The following GAB2 variants were observed in gnomAD, a reference collection of about 807,000 sequenced individuals.
GAB2 encodes GRB2 associated binding protein 2.
GAB2 carries 26 observed loss-of-function variants against 65.5 expected under a neutral mutation model. The ratio of observed to expected loss-of-function variants is 0.40; its 90% confidence interval spans 0.29 to 0.55. The LOEUF is 0.55. Among genes scored for constraint, GAB2 ranks in the 20% least tolerant of loss-of-function variants. GAB2 has a pLI of 0.53. For missense variants in GAB2, 884 were observed against 875.8 expected, an observed-to-expected ratio of 1.01 and a Z score of -0.12; for synonymous variants, 321 against 329.6, an observed-to-expected ratio of 0.97 and a Z score of 0.28.
chr11:78,242,000 C>T (rs1015453897), intron 3 of GAB2, among the ~76,000 whole-genome samples: 2 of 152,242 alleles, frequency 1.3e-5, no homozygotes, highest in African/African-American at 2.4e-5. Context: ...TATAATTCTT[C>T]TCATTAGCAC....
chr11:78,327,173 A>T (rs117293058), intron 1 of GAB2, among the ~76,000 whole-genome samples: 1 of 152,196 alleles, frequency 6.6e-6, no homozygotes, highest in Non-Finnish European at 1.5e-5. Flanking sequence ...TATCTGGGTC[A>T]ATTTTAATCC....
intron 2 of GAB2, among the ~76,000 whole-genome samples, chr11:78,271,140 T>C (rs536601935): frequency 6.6e-6 from 1 of 152,164 alleles, no homozygotes; most frequent in Non-Finnish European, 1.5e-5. Context: ...TCATCAAAGC[T>C]CTCTACTGAG....
chr11:78,338,201 A>G (rs1856034519), intron 1 of GAB2, among the ~76,000 whole-genome samples: 1 of 152,252 alleles, frequency 6.6e-6, no homozygotes. Context: ...GCTGGATAAC[A>G]TAATGCCTAT....
Position 78,222,092 on chromosome 11 carries a change from C to G in GAB2, c.1658+13G>C. ...CCGACTCCAAGCTCCCACCCCCACA[C>G]ATACGCACTTACTTGGCCCTAGACC... On this transcript the variant is annotated intron_variant, in intron 7 of 9. Coordinates refer to ENST00000361507, the MANE Select transcript of GAB2 (RefSeq NM_080491.3). 1.3e-6 allele frequency: 2 copies of G among 1,564,846 alleles called. No individual in the cohort carries two copies. The highest frequency in any genetic ancestry group is 2.2e-5 in the South Asian group (2 of 90,126).
intron 3 of GAB2, among the ~76,000 whole-genome samples, chr11:78,229,495 C>T (rs1276205500): frequency 6.6e-6 from 1 of 152,190 alleles, no homozygotes; most frequent in Non-Finnish European, 1.5e-5. Flanking sequence ...CATCATCTTC[C>T]TCTGGAACTC....
intron 1 of GAB2, chr11:78,324,701 A>G (rs1470914183): frequency 1.3e-5 from 2 of 152,192 alleles, no homozygotes; most frequent in Non-Finnish European, 1.5e-5. Flanking sequence ...CCTTATTCCC[A>G]TTTTCCAGAT....
chr11:78,280,522 GA>G, intron 2 of GAB2, 78 bp downstream of exon 2: 1 of 1,162,460 alleles, frequency 8.6e-7, no homozygotes, highest in Non-Finnish European at 1.2e-6. Context: ...ACCTTAGCTA[GA>G]GCCTGCTCTC....
intron 1 of GAB2, among the ~76,000 whole-genome samples, chr11:78,355,925 C>A (rs1856352029): frequency 6.6e-6 from 1 of 151,734 alleles, no homozygotes; most frequent in Non-Finnish European, 1.5e-5. Flanking sequence ...GTAATCCCAG[C>A]CCTTTGGAAG....
At chr11:78,305,925 T>G (rs1269162685) in intron 1 of GAB2, among the ~76,000 whole-genome samples, 1 of 152,204 alleles carries the variant, frequency 6.6e-6, no homozygotes, top group Non-Finnish European at 1.5e-5. Flanking sequence ...AATAAAATTC[T>G]AAGACTGAAA....
At chr11:78,331,902 C>G (rs1037095709) in intron 1 of GAB2, among the ~76,000 whole-genome samples, 5 of 152,036 alleles carry the variant, frequency 3.3e-5, no homozygotes, top group Non-Finnish European at 5.9e-5. Flanking sequence ...ATCCGGACCT[C>G]GTAAATGAAA....
chr11:78,318,885 C>G (rs914391222), intron 1 of GAB2, among the ~76,000 whole-genome samples: 1 of 152,308 alleles, frequency 6.6e-6, no homozygotes, highest in Admixed American at 6.5e-5. Context: ...CCATCCCTTC[C>G]CGCACTGGAG....
chr11:78,223,576 G>C lies in GAB2; in HGVS notation c.1403C>G (p.Ala468Gly). The change falls in exon 6 of 10, where the codon GCA (alanine) becomes GGA (glycine). Residue 468 changes from alanine (A) to glycine (G), a missense_variant. Ala to Gly is a moderately conservative substitution (Grantham distance 60, BLOSUM62 0). Transcript: ENST00000361507. ...GSSTLLAMERAGDNSQSVYIP... is the reference protein window; with the variant it reads ...GSSTLLAMERGGDNSQSVYIP... Reference sequence around the variant, plus strand: ...GTAGACGCTCTGGGAATTATCACCTGCTCGTTCCATGGCCAACAGGGTGGA... The same window carrying C: ...GTAGACGCTCTGGGAATTATCACCTCCTCGTTCCATGGCCAACAGGGTGGA... The C allele has an allele frequency of 1.2e-6, 2 of 1,613,628 alleles. No individual in the cohort carries two copies. The highest frequency in any genetic ancestry group is 1.7e-6 in the Non-Finnish European group (2 of 1,179,764).
At chr11:78,363,862 G>A (rs2134720027) in intron 1 of GAB2, among the ~76,000 whole-genome samples, 1 of 152,058 alleles carries the variant, frequency 6.6e-6, no homozygotes, top group Admixed American at 6.5e-5. Flanking sequence ...GGAAATGTAG[G>A]CATGAGCCAC....
At chr11:78,332,358 A>C (rs899840581) in intron 1 of GAB2, among the ~76,000 whole-genome samples, 4 of 152,188 alleles carry the variant, frequency 2.6e-5, no homozygotes, top group African/African-American at 9.7e-5. Flanking sequence ...AGATCAACTT[A>C]ACACTGGCTT....
At chr11:78,225,008 G>T (rs186805620) in intron 5 of GAB2, 100 bp downstream of exon 5, 5 of 733,592 alleles carry the variant, frequency 6.8e-6, no homozygotes, top group Admixed American at 4.5e-5. Flanking sequence ...CTAAGATGGA[G>T]ACGCCATCAA....
intron 1 of GAB2, among the ~76,000 whole-genome samples, chr11:78,353,415 T>A (rs1033676286): frequency 6.6e-6 from 1 of 152,202 alleles, no homozygotes; most frequent in East Asian, 1.9e-4. Context: ...CACTCCAGCC[T>A]GGGTAAAAGA....
chr11:78,317,054 C>T (rs1855621959), intron 1 of GAB2, among the ~76,000 whole-genome samples: 1 of 152,154 alleles, frequency 6.6e-6, no homozygotes. Flanking sequence ...TGTGATTCCA[C>T]TTATATGACA....
At chr11:78,291,341 C>G (rs1259050939) in intron 1 of GAB2, among the ~76,000 whole-genome samples, 5 of 149,674 alleles carry the variant, frequency 3.3e-5, no homozygotes, top group Admixed American at 1.3e-4. Context: ...TGGCGAGCAC[C>G]TGTAGTCCCA....
intron 1 of GAB2, among the ~76,000 whole-genome samples, chr11:78,382,442 G>T (rs1316022415): frequency 6.6e-6 from 1 of 151,514 alleles, no homozygotes; most frequent in East Asian, 1.9e-4. Context: ...GCAGTGGCGG[G>T]ATCTCGGCTC....
Sources: allele counts gnomAD v4.1 joint callset (sites outside exome capture counted in the v4.1 genomes callset), GRCh38; gene constraint gnomAD v4.1.1; transcripts MANE v1.5; gene names NCBI Gene and HGNC (gene_info 2026-07-23, HGNC 2026-07-21).